Variants in ZNF695 observed in about 807,000 individuals in gnomAD.
ZNF695 encodes zinc finger protein SBZF3.
A neutral mutation model predicts 11.2 loss-of-function variants in ZNF695; 11 were observed. The ratio of observed to expected loss-of-function variants is 0.98; its 90% CI spans 0.62 to 1.62. The LOEUF is 1.62. Ranked by LOEUF, ZNF695 falls within the 40% of genes most tolerant of loss-of-function variation. ZNF695 has a pLI of 0.00. For synonymous variants in ZNF695, 190 were observed against 201.4 expected (o/e 0.94, Z 0.48); for missense variants, 559 against 590.5 (o/e 0.95, Z 0.55).
intron 4 of ZNF695, among the ~76,000 whole-genome samples, chr1:246,973,273 T>C (rs1350552984): frequency 5.3e-5 from 8 of 152,084 alleles, no homozygotes; most frequent in Admixed American, 1.3e-4. Context: ...GGTCTCGAAC[T>C]CCCGACCTCA....
At chr1:246,964,633 G>A (rs1374042752) in intron 5 of ZNF695, among the ~76,000 whole-genome samples, 1 of 152,242 alleles carries the variant, frequency 6.6e-6, no homozygotes, top group African/African-American at 2.4e-5. Flanking sequence ...CAATTTGGGA[G>A]GCCAAGGCAG....
At chr1:246,998,421 T>C (rs1168524330) in intron 3 of ZNF695, among the ~76,000 whole-genome samples, 1 of 152,198 alleles carries the variant, frequency 6.6e-6, no homozygotes, top group African/African-American at 2.4e-5. Flanking sequence ...GGGTTCAAAT[T>C]ACAAATCTCA....
chr1:246,952,987 G>T (rs912323291), intron 5 of ZNF695, among the ~76,000 whole-genome samples: 3 of 152,008 alleles, frequency 2.0e-5, no homozygotes, highest in African/African-American at 7.3e-5. Context: ...CCTAGGAAAG[G>T]ATGTGACCCT....
chr1:246,986,590 T>C lies in ZNF695; in HGVS notation c.*377A>G. The C allele has an allele frequency of 2.0e-6, 2 of 1,005,504 alleles. No homozygotes were observed. Among genetic ancestry groups the C allele is most frequent in the Non-Finnish European group, 1.2e-6 (1 of 843,424 alleles). The allele number at this position is 1,005,504 out of a possible 1,614,324, so 62.3% of individuals were successfully genotyped here. A position where few individuals can be genotyped will look rare whatever the true frequency, so the allele number is the denominator to read the frequency against. Reference sequence around the variant, plus strand: ...ATTTACTGCATCTGTAAAACAGTTTTTAGTGTGAACACTCTGGTGTTTTCT... The same window carrying C: ...ATTTACTGCATCTGTAAAACAGTTTCTAGTGTGAACACTCTGGTGTTTTCT... On this transcript the variant is annotated 3_prime_UTR_variant, in exon 4 of 4. Coordinates refer to ENST00000339986, the MANE Select transcript of ZNF695 (RefSeq NM_020394.5).
At chr1:246,982,493 A>G (rs1252602554), downstream of ZNF695, among the ~76,000 whole-genome samples, 1 of 152,236 alleles carries the variant, frequency 6.6e-6, no homozygotes, top group East Asian at 1.9e-4. Context: ...AAATTCTGAC[A>G]TGTTTATTTA....
At chr1:247,005,365 G>A (rs1669501918) in intron 1 of ZNF695, among the ~76,000 whole-genome samples, 1 of 152,126 alleles carries the variant, frequency 6.6e-6, no homozygotes, top group South Asian at 2.1e-4. Flanking sequence ...AGTTGTGCTG[G>A]GAAAAATGGA....
chr1:246,972,864 T>A (rs1558309109), intron 4 of ZNF695, among the ~76,000 whole-genome samples: 1 of 151,378 alleles, frequency 6.6e-6, no homozygotes, highest in Non-Finnish European at 1.5e-5. Context: ...TTTCTGCAGG[T>A]GCTTTCAGAA....
chr1:246,954,001 G>C (rs1204589644), intron 5 of ZNF695, among the ~76,000 whole-genome samples: 1 of 150,390 alleles, frequency 6.6e-6, no homozygotes, highest in Non-Finnish European at 1.5e-5. Flanking sequence ...CTCAGGGTAA[G>C]TGTAGAGCTT....
intron 4 of ZNF695, among the ~76,000 whole-genome samples, chr1:246,978,258 T>C (rs1668618483): frequency 1.3e-5 from 2 of 152,246 alleles, no homozygotes; most frequent in South Asian, 4.1e-4. Context: ...ACAATAATTA[T>C]GTAAGCAAAT....
chr1:246,993,331 C>T (rs763101046), intron 3 of ZNF695, among the ~76,000 whole-genome samples: 3 of 151,894 alleles, frequency 2.0e-5, no homozygotes, highest in Non-Finnish European at 4.4e-5. Flanking sequence ...TGCTTGAACC[C>T]GGGAGGCAGA....
chr1:246,986,939 C>G lies in ZNF695; in HGVS notation c.*28G>C, dbSNP rs756656958. On this transcript the variant is annotated 3_prime_UTR_variant, in exon 4 of 4. Transcript: ENST00000339986. ...TGTGAATAGGTATTAAAGACTATGCCATATTGTTTAGAATTGTAGGGTTTT... is the reference window on the plus strand; with the variant it reads ...TGTGAATAGGTATTAAAGACTATGCGATATTGTTTAGAATTGTAGGGTTTT... 6.5e-7 allele frequency: 1 copy of G among 1,537,130 alleles called. No individual in the cohort carries two copies. Among genetic ancestry groups the G allele is most frequent in the Non-Finnish European group, 8.7e-7 (1 of 1,147,980 alleles).
chr1:246,979,159 A>C (rs990020079), intron 4 of ZNF695, among the ~76,000 whole-genome samples: 2 of 152,102 alleles, frequency 1.3e-5, no homozygotes, highest in Non-Finnish European at 2.9e-5. Context: ...GATCCTAGAG[A>C]GCTGCTCTGG....
chr1:246,980,460 A>G (rs1668679199), downstream of ZNF695, among the ~76,000 whole-genome samples: 1 of 146,380 alleles, frequency 6.8e-6, no homozygotes, highest in African/African-American at 2.5e-5. Flanking sequence ...TCTGTCGCTC[A>G]GACTGGAGTG....
chr1:246,984,351 CA>C (rs1034370528), downstream of ZNF695, among the ~76,000 whole-genome samples: 1 of 147,346 alleles, frequency 6.8e-6, no homozygotes, highest in Non-Finnish European at 1.5e-5. Context: ...AAAGAGACCA[CA>C]AAAAAACAGA....
In ZNF695 at chr1:246,987,070, T is replaced by C. The variant is rs1342597220; in HGVS notation, c.1445A>G (p.His482Arg). 3 of 1,614,134 alleles carry C rather than the reference T, an allele frequency of 1.9e-6. No individual in the cohort carries two copies. The highest frequency in any genetic ancestry group is 2.2e-5 in the East Asian group (1 of 44,862). ...TTTCTCTCTGGTATGAATTGTCTTA[T>C]GTTTAGAAAGGTGTGAGCTCTGGCC... is the stretch of plus-strand genomic sequence containing the variant. ...AFGQSSHLSKHKTIHTREKPY... is the reference protein window; with the variant it reads ...AFGQSSHLSKRKTIHTREKPY... The change falls in exon 4 of 4, where the codon CAT (histidine) becomes CGT (arginine). Residue 482 changes from histidine (H) to arginine (R), a missense_variant. Coordinates refer to ENST00000339986, the MANE Select transcript of ZNF695 (RefSeq NM_020394.5).
At chr1:246,950,426 G>C (rs1279745007) in intron 5 of ZNF695, among the ~76,000 whole-genome samples, 2 of 152,118 alleles carry the variant, frequency 1.3e-5, no homozygotes, top group Non-Finnish European at 2.9e-5. Flanking sequence ...AAGGTGGGCG[G>C]ATCACCTGAG....
At chr1:246,963,151 T>C (rs1473219052) in intron 5 of ZNF695, among the ~76,000 whole-genome samples, 1 of 152,224 alleles carries the variant, frequency 6.6e-6, no homozygotes, top group Non-Finnish European at 1.5e-5. Context: ...TTTTCCATGC[T>C]ATTCCCTCAT....
At position 247,008,022 on chromosome 1, in the gene ZNF695, G is replaced by T; in HGVS notation, c.-114C>A. 2 of 1,236,692 alleles carry T rather than the reference G, an allele frequency of 1.6e-6. No homozygotes were observed. The highest frequency in any genetic ancestry group is 2.1e-6 in the Non-Finnish European group (2 of 942,024). The allele number at this position is 1,236,692 out of a possible 1,614,324, so 76.6% of individuals were successfully genotyped here. On this transcript the variant is annotated 5_prime_UTR_variant, in exon 1 of 4. Coordinates refer to ENST00000339986, the MANE Select transcript of ZNF695 (RefSeq NM_020394.5). ...GGGACTCTCCGAGAGGCAGCAGACGGGAACCCAGCACCCCGCCGGCCGCAA... is the reference window on the plus strand; with the variant it reads ...GGGACTCTCCGAGAGGCAGCAGACGTGAACCCAGCACCCCGCCGGCCGCAA...
downstream of ZNF695, among the ~76,000 whole-genome samples, chr1:246,980,452 T>G (rs1208982970): frequency 1.3e-5 from 2 of 149,974 alleles, no homozygotes. Flanking sequence ...ACTCTTACTC[T>G]GTCGCTCAGA....
Sources: gnomAD v4.1 joint callset for allele counts (sites outside exome capture counted in the v4.1 genomes callset) on GRCh38, gnomAD v4.1.1 for gene constraint, MANE v1.5 for transcripts, NCBI Gene and HGNC (gene_info 2026-07-23, HGNC 2026-07-21) for gene names.